F13A1: variants seen among roughly 807,000 people sequenced by gnomAD.
F13A1 encodes the protein FSF, A subunit.
Under a neutral mutation model 80.1 loss-of-function variants are expected in F13A1, and 47 were observed. The observed-to-expected ratio is 0.59, with a 90% CI of 0.46 to 0.75. The LOEUF (loss-of-function observed/expected upper bound fraction) is 0.75, where lower values mean the gene tolerates loss of function less well. Among genes scored for constraint, F13A1 ranks in the 30% least tolerant of loss-of-function variants. The probability of loss-of-function intolerance (pLI) is 0.00; values close to 1 mark genes in which losing one functional copy is unlikely to be tolerated. For synonymous variants in F13A1, 349 were observed against 344.9 expected, an observed-to-expected ratio of 1.01 and a Z score of -0.13; for missense variants, 817 against 930.4, an observed-to-expected ratio of 0.88 and a Z score of 1.59.
intron 8 of F13A1, among the ~76,000 whole-genome samples, chr6:6,201,824 G>A (rs966507156): frequency 3.9e-5 from 6 of 152,078 alleles, no homozygotes; most frequent in African/African-American, 9.7e-5. Context: ...GATTACAGGC[G>A]TGAGCATTTT....
rs576952472 is a variant in F13A1, at chr6:6,313,113, G to GA, written c.130+5421dup. 3.7e-3 allele frequency among the ~76,000 whole-genome samples: 563 copies of GA among 152,234 alleles called. 2 individuals carry two copies. Among genetic ancestry groups the GA allele is most frequent in the South Asian group, 0.016 (78 of 4,808 alleles). On this transcript the variant is annotated intron_variant, in intron 2 of 14. Transcript: ENST00000264870. ...GGAGTGTGTTCCAGCAAGCATTGAT[G>GA]AATCTAGCATATTGATTTTTGCTTT...
intron 13 of F13A1, among the ~76,000 whole-genome samples, chr6:6,165,785 C>T (rs1760660865): frequency 6.6e-6 from 1 of 152,228 alleles, no homozygotes; most frequent in South Asian, 2.1e-4. Flanking sequence ...AACCCTAATC[C>T]CCACCTCTCC....
chr6:6,206,326 C>T (rs1346541041), intron 8 of F13A1: 1 of 368,814 alleles, frequency 2.7e-6, no homozygotes, highest in Non-Finnish European at 5.3e-6. Context: ...TACTTTAAAA[C>T]TAGTAACCTT....
At chr6:6,170,824 C>G (rs13362614) in intron 12 of F13A1, among the ~76,000 whole-genome samples, 4,933 of 152,120 alleles carry the variant, frequency 0.032, 166 homozygotes, top group African/African-American at 0.088. Context: ...AGTTATGTGG[C>G]TTTTTGCAAT....
At position 6,313,516 on chromosome 6, in the gene F13A1, T is replaced by C. The variant is rs757314132; in HGVS notation, c.130+5019A>G. On this transcript the variant is annotated intron_variant, in intron 2 of 14. Transcript: ENST00000264870. ...TATTGTCTCCCTAGGTTGTAAAATA[T>C]TCTTCAGAGAATGATTATACCTGTC... is the stretch of plus-strand genomic sequence containing the variant. Among the ~76,000 whole-genome samples the C allele has an allele frequency of 3.9e-5, 6 of 152,178 alleles. No homozygotes were observed. In the East Asian group the frequency reaches 1.2e-3, roughly 29 times the overall value.
intron 8 of F13A1, among the ~76,000 whole-genome samples, chr6:6,202,621 C>A (rs1457734701): frequency 6.6e-6 from 1 of 152,168 alleles, no homozygotes; most frequent in African/African-American, 2.4e-5. Flanking sequence ...TAAAAAAATT[C>A]TAAATCTCCT....
rs141106767 is a variant in F13A1, at chr6:6,246,919, A to C, written c.798+1393T>G. Among the ~76,000 whole-genome samples, 512 of 152,356 alleles carry C rather than the reference A, an allele frequency of 3.4e-3. 1 individual carries two copies. The highest frequency in any genetic ancestry group is 0.011 in the African/African-American group (472 of 41,586). On this transcript the variant is annotated intron_variant, in intron 6 of 14. Coordinates refer to ENST00000264870, the MANE Select transcript of F13A1 (RefSeq NM_000129.4). ...CTGCAAAATTGTTATGGTAACTTCA[A>C]AGAAGAAAAAGAGAAATCTTGTGGG... is the stretch of plus-strand genomic sequence containing the variant.
intron 3 of F13A1, among the ~76,000 whole-genome samples, chr6:6,297,599 T>C (rs1758350518): frequency 6.7e-6 from 1 of 149,634 alleles, no homozygotes. Context: ...TGATATCCCC[T>C]TTATCATTTT....
chr6:6,246,151 G>T (rs1324696242), intron 6 of F13A1, among the ~76,000 whole-genome samples: 1 of 152,062 alleles, frequency 6.6e-6, no homozygotes. Context: ...GATTTTTTTT[G>T]TCTTTGTTCT....
rs1760690460 is a variant in F13A1, at chr6:6,167,311, A to T, written c.1908+147T>A. On this transcript the variant is annotated intron_variant, in intron 13 of 14. Coordinates refer to ENST00000264870, the MANE Select transcript of F13A1 (RefSeq NM_000129.4). The stretch of plus-strand genomic sequence containing the variant: ...TTTACTTCTTTCAAAGAACAAGAGG[A>T]TCCTAGCACTGGTATTTTTTTTTTT... 10 of 931,804 alleles carry T rather than the reference A, an allele frequency of 1.1e-5. No individual in the cohort carries two copies. The East Asian group carries it at 2.1e-4, about 19-fold the overall frequency. The allele number at this position is 931,804 out of a possible 1,614,324, so 57.7% of individuals were successfully genotyped here. A position where few individuals can be genotyped will look rare whatever the true frequency, so the allele number is the denominator to read the frequency against.
intron 3 of F13A1, among the ~76,000 whole-genome samples, chr6:6,271,402 T>C (rs1434248613): frequency 6.6e-6 from 1 of 152,114 alleles, no homozygotes; most frequent in African/African-American, 2.4e-5. Flanking sequence ...TCCATCAACA[T>C]CCATGACTGC....
At chr6:6,170,555 C>T (rs924322460) in intron 12 of F13A1, among the ~76,000 whole-genome samples, 37 of 152,332 alleles carry the variant, frequency 2.4e-4, no homozygotes, top group Non-Finnish European at 3.7e-4. Flanking sequence ...ATATCATTTA[C>T]GGTGTCTGGG....
At chr6:6,149,782 A>G (rs1760340792) in intron 14 of F13A1, among the ~76,000 whole-genome samples, 1 of 152,176 alleles carries the variant, frequency 6.6e-6, no homozygotes, top group South Asian at 2.1e-4. Context: ...CTGTCTATCT[A>G]CTTGTCTGCC....
At chr6:6,192,045 A>G (rs1368020913) in intron 10 of F13A1, among the ~76,000 whole-genome samples, 1 of 152,238 alleles carries the variant, frequency 6.6e-6, no homozygotes, top group Admixed American at 6.5e-5. Flanking sequence ...ACACAGAGTG[A>G]AAGATAGTGA....
At chr6:6,255,305 C>A (rs556150855) in intron 4 of F13A1, among the ~76,000 whole-genome samples, 2 of 152,074 alleles carry the variant, frequency 1.3e-5, no homozygotes, top group Non-Finnish European at 2.9e-5. Context: ...TATAACAAGA[C>A]ACATGAACTC....
chr6:6,158,132 A>G (rs1260309625), intron 13 of F13A1, among the ~76,000 whole-genome samples: 1 of 152,052 alleles, frequency 6.6e-6, no homozygotes, highest in Admixed American at 6.6e-5. Context: ...CCCCTGGGGT[A>G]AGCAGGCTTT....
At chr6:6,259,114 G>A (rs1757743916) in intron 4 of F13A1, among the ~76,000 whole-genome samples, 2 of 152,134 alleles carry the variant, frequency 1.3e-5, no homozygotes, top group African/African-American at 4.8e-5. Context: ...ACATAATACT[G>A]TCGTACTGTG....
intron 8 of F13A1, among the ~76,000 whole-genome samples, chr6:6,221,532 G>A (rs575053435): frequency 1.3e-5 from 2 of 152,200 alleles, no homozygotes; most frequent in Non-Finnish European, 2.9e-5. Flanking sequence ...CCGTGAGCAA[G>A]CCTTTTTGGG....
At chr6:6,151,424 A>T (rs4401710) in intron 14 of F13A1, among the ~76,000 whole-genome samples, 32,275 of 152,012 alleles carry the variant, frequency 0.21, 3,509 homozygotes, top group Middle Eastern at 0.28. Flanking sequence ...ATGAGAAGAG[A>T]CCATACGTGA....
Sources: gnomAD v4.1 joint callset for allele counts (sites outside exome capture counted in the v4.1 genomes callset) on GRCh38, gnomAD v4.1.1 for gene constraint, MANE v1.5 for transcripts, NCBI Gene and HGNC (gene_info 2026-07-23, HGNC 2026-07-21) for gene names.